Variants in ARAP2 observed in about 807,000 individuals in gnomAD.
ARAP2 encodes arf-GAP with Rho-GAP domain, ANK repeat and PH domain-containing protein 2.
ARAP2 carries 148 observed loss-of-function variants against 194.5 expected under a neutral mutation model. That is an observed-to-expected ratio of 0.76 (90% CI 0.67 to 0.87). The LOEUF (loss-of-function observed/expected upper bound fraction) is 0.87, where lower values mean the gene tolerates loss of function less well. ARAP2 is among the 40% of genes least tolerant of loss of function. The probability of loss-of-function intolerance (pLI) is 0.00; values close to 1 mark genes in which losing one functional copy is unlikely to be tolerated. For synonymous variants in ARAP2, 695 were observed against 683.5 expected (o/e 1.02, Z -0.26); for missense variants, 2,128 against 1,989.7 (o/e 1.07, Z -1.32).
At chr4:36,231,145 TG>T (rs1751370498) in intron 1 of ARAP2, among the ~76,000 whole-genome samples, 1 of 152,140 alleles carries the variant, frequency 6.6e-6, no homozygotes, top group African/African-American at 2.4e-5. Flanking sequence ...GAGACCATCC[TG>T]GCCAACATGG....
chr4:36,125,053 A>C (rs1291626634), intron 21 of ARAP2, 86 bp from the exon 22 acceptor site: 9 of 811,658 alleles, frequency 1.1e-5, no homozygotes, highest in Non-Finnish European at 1.8e-5. Flanking sequence ...TAAAACAGTC[A>C]CAAACAAATG....
At position 36,207,863 on chromosome 4, in the gene ARAP2, T is replaced by C. The variant is rs541879324; in HGVS notation, c.1487+2527A>G. 3.3e-5 allele frequency among the ~76,000 whole-genome samples: 5 copies of C among 152,254 alleles called. No individual in the cohort carries two copies. The East Asian group carries it at 5.8e-4, about 18-fold the overall frequency. The stretch of plus-strand genomic sequence containing the variant: ...TCCTGGAAATTTTCACCCACAAATA[T>C]GTTGTTGAGTTCAGCAGCTTGTATT... On this transcript the variant is annotated intron_variant, in intron 6 of 32. Coordinates refer to ENST00000303965, the MANE Select transcript of ARAP2 (RefSeq NM_015230.4).
chr4:36,166,940 C>G lies in ARAP2; in HGVS notation c.1965G>C (p.Arg655Ser). The G allele has an allele frequency of 6.3e-7, 1 of 1,593,548 alleles. No homozygotes were observed. The highest frequency in any genetic ancestry group is 8.5e-7 in the Non-Finnish European group (1 of 1,170,974). Residue 655 changes from arginine to serine, a missense_variant, in exon 10 of 33, where the codon AGG (arginine) becomes AGC (serine). Transcript: ENST00000303965. ...KQSFEIITPY[R>S]SFSFTAETEK... The stretch of plus-strand genomic sequence containing the variant: ...GTTTAAAAATAGCTTACCTGAAACT[C>G]CTGTAGGGAGTGATTATTTCAAAAG...
chr4:36,238,403 T>C (rs1412870020), intron 1 of ARAP2, among the ~76,000 whole-genome samples: 1 of 152,174 alleles, frequency 6.6e-6, no homozygotes, highest in African/African-American at 2.4e-5. Context: ...ACGCAATAGA[T>C]AAACAGTGGA....
intron 6 of ARAP2, among the ~76,000 whole-genome samples, chr4:36,016,229 C>T (rs988608291): frequency 6.6e-6 from 1 of 151,942 alleles, no homozygotes; most frequent in Non-Finnish European, 1.5e-5. Flanking sequence ...CTTATTTAAA[C>T]TTAAAAAGCC....
chr4:36,078,699 A>T (rs1374066064), intron 31 of ARAP2, among the ~76,000 whole-genome samples: 1 of 152,152 alleles, frequency 6.6e-6, no homozygotes, highest in African/African-American at 2.4e-5. Context: ...CCTTGTAGTG[A>T]GAGTAGGCTT....
intron 7 of ARAP2, among the ~76,000 whole-genome samples, chr4:36,189,167 G>T (rs1480938838): frequency 3.9e-5 from 6 of 152,092 alleles, no homozygotes; most frequent in Non-Finnish European, 5.9e-5. Context: ...AGGATGTCAA[G>T]AAATAAGCAC....
chr4:36,092,381 G>A (rs551451686), intron 27 of ARAP2, among the ~76,000 whole-genome samples: 21 of 151,886 alleles, frequency 1.4e-4, no homozygotes, highest in African/African-American at 2.4e-4. Context: ...AGGCCGAGGC[G>A]GGCGGATTAT....
intron 8 of ARAP2, among the ~76,000 whole-genome samples, chr4:36,182,964 A>G (rs1470083564): frequency 6.6e-6 from 1 of 152,216 alleles, no homozygotes; most frequent in Non-Finnish European, 1.5e-5. Context: ...ATGGAGATAC[A>G]CATTTGACAT....
intron 5 of ARAP2, among the ~76,000 whole-genome samples, chr4:36,038,408 A>G (rs149325741): frequency 1.5e-4 from 23 of 152,326 alleles, no homozygotes; most frequent in East Asian, 1.2e-3. Context: ...TCCTTGGAAT[A>G]TATTTTCCTC....
intron 32 of ARAP2, among the ~76,000 whole-genome samples, chr4:36,073,247 T>C (rs1387659265): frequency 1.3e-5 from 2 of 152,112 alleles, no homozygotes; most frequent in Non-Finnish European, 2.9e-5. Context: ...GGTCATCTTG[T>C]AGGTCCTTAA....
intron 27 of ARAP2, among the ~76,000 whole-genome samples, chr4:36,092,756 T>C (rs1714067708): frequency 6.6e-6 from 1 of 152,332 alleles, no homozygotes; most frequent in East Asian, 1.9e-4. Context: ...ATGTGGCTAC[T>C]ATACAATTTA....
chr4:36,063,376 G>A (rs1212345965), downstream of ARAP2, among the ~76,000 whole-genome samples: 1 of 151,620 alleles, frequency 6.6e-6, no homozygotes, highest in African/African-American at 2.4e-5. Context: ...GTTAATGGGT[G>A]CAGCAAACCA....
chr4:36,138,723 C>T (rs753896552), intron 19 of ARAP2, among the ~76,000 whole-genome samples: 1 of 151,540 alleles, frequency 6.6e-6, no homozygotes, highest in Non-Finnish European at 1.5e-5. Flanking sequence ...GGGCAAATAC[C>T]TAGCAGCTCA....
rs997589789 is a variant in ARAP2 at position 36,066,901 on chromosome 4, T to G, written c.*1006A>C. Reference sequence around the variant, plus strand: ...ATGGCCATATATTGTATTCTTCCAGTTATTTCTGACAACTCGGAGAAAAAC... The same window carrying G: ...ATGGCCATATATTGTATTCTTCCAGGTATTTCTGACAACTCGGAGAAAAAC... On this transcript the variant is annotated 3_prime_UTR_variant, in exon 33 of 33. Transcript: ENST00000303965. 5 of 152,222 alleles carry G rather than the reference T, an allele frequency of 3.3e-5. No individual in the cohort carries two copies. Among genetic ancestry groups the G allele is most frequent in the Non-Finnish European group, 5.9e-5 (4 of 68,032 alleles). The allele number at this position is 152,222 out of a possible 1,614,324, so 9.4% of individuals were successfully genotyped here.
chr4:36,154,781 A>G (rs1410633667), intron 15 of ARAP2, among the ~76,000 whole-genome samples: 1 of 152,186 alleles, frequency 6.6e-6, no homozygotes. Context: ...ATTTTGCTCT[A>G]TGGCTGTCCT....
chr4:36,107,730 A>G lies in ARAP2; in HGVS notation c.4157-37T>C, dbSNP rs1225624205. The G allele has an allele frequency of 6.4e-6, 10 of 1,552,434 alleles. No homozygotes were observed. The African/African-American group carries it at 1.4e-4, about 22-fold the overall frequency. On this transcript the variant is annotated intron_variant, in intron 26 of 32. Transcript: ENST00000303965. ...AAATTCCAAATCAAATGGAAAATAT[A>G]TGAGGATAACAATTTTTTATTTTAT...
intron 2 of ARAP2, among the ~76,000 whole-genome samples, chr4:36,054,478 T>A (rs1723173945): frequency 6.6e-6 from 1 of 152,120 alleles, no homozygotes; most frequent in South Asian, 2.1e-4. Context: ...TCAATGATAA[T>A]CTATTGGGGA....
chr4:36,065,562 C>A (rs1458746704), downstream of ARAP2: 1 of 227,450 alleles, frequency 4.4e-6, no homozygotes, highest in East Asian at 1.3e-4. Context: ...CCTCACCAGT[C>A]AGCTCCTTCC....
Sources: allele counts gnomAD v4.1 joint callset (sites outside exome capture counted in the v4.1 genomes callset), GRCh38; gene constraint gnomAD v4.1.1; transcripts MANE v1.5; gene names NCBI Gene and HGNC (gene_info 2026-07-23, HGNC 2026-07-21).